ATP9B: variants seen among roughly 807,000 people sequenced by gnomAD.
The protein encoded by ATP9B is probable phospholipid-transporting ATPase IIB.
ATP9B carries 110 observed loss-of-function variants against 146.1 expected under a neutral mutation model. The observed-to-expected ratio is 0.75, with a 90% CI of 0.65 to 0.88. The LOEUF (loss-of-function observed/expected upper bound fraction) is 0.88. Among genes scored for constraint, ATP9B ranks in the 40% least tolerant of loss-of-function variants. The probability of loss-of-function intolerance (pLI) is 0.00; values close to 1 mark genes in which losing one functional copy is unlikely to be tolerated. For missense variants in ATP9B, 1,499 were observed against 1,496.4 expected (o/e 1.00, Z -0.03); for synonymous variants, 604 against 569.7 (o/e 1.06, Z -0.86).
rs535879779 is a variant in ATP9B, at chr18:79,347,266, C to T, written c.2683-504C>T. Among the ~76,000 whole-genome samples, 5 of 152,332 alleles carry T rather than the reference C, an allele frequency of 3.3e-5. No homozygotes were observed. The South Asian group carries it at 8.3e-4, about 25-fold the overall frequency. The stretch of plus-strand genomic sequence containing the variant: ...GGAAAATTCACCTAGCTCAAGCAAG[C>T]GTGGCTTTTTCCTTGGCTACTTCAT... On this transcript the variant is annotated intron_variant, in intron 23 of 29. Coordinates refer to ENST00000426216, the MANE Select transcript of ATP9B (RefSeq NM_198531.5).
intron 26 of ATP9B, chr18:79,372,616 A>G (rs1362126011): frequency 3.0e-6 from 2 of 668,910 alleles, no homozygotes; most frequent in Non-Finnish European, 5.5e-6. Flanking sequence ...CTCAGGCACC[A>G]GTGGACACGT....
chr18:79,221,139 A>G lies in ATP9B; in HGVS notation c.1107+7101A>G, dbSNP rs2095672391. Reference sequence around the variant, plus strand: ...AAGCCCATAAGACTGTGTGGCCGAGACCAGGCCTTGAGTCCTTGGTACCTG... The same window carrying G: ...AAGCCCATAAGACTGTGTGGCCGAGGCCAGGCCTTGAGTCCTTGGTACCTG... On this transcript the variant is annotated intron_variant, in intron 11 of 29. Transcript: ENST00000426216. 2.0e-5 allele frequency among the ~76,000 whole-genome samples: 3 copies of G among 152,168 alleles called. 1 individual carries two copies. The highest frequency in any genetic ancestry group is 1.3e-4 in the Admixed American group (2 of 15,282).
intron 3 of ATP9B, among the ~76,000 whole-genome samples, chr18:79,111,723 G>C (rs1009350900): frequency 3.3e-5 from 5 of 152,096 alleles, no homozygotes; most frequent in African/African-American, 1.2e-4. Flanking sequence ...GCTTAACTTT[G>C]ATCAGTGTAA....
At chr18:79,090,282 A>G (rs2074210115) in intron 1 of ATP9B, among the ~76,000 whole-genome samples, 1 of 152,214 alleles carries the variant, frequency 6.6e-6, no homozygotes, top group Non-Finnish European at 1.5e-5. Flanking sequence ...TATTTTTGGT[A>G]TATACCAAGC....
intron 10 of ATP9B, among the ~76,000 whole-genome samples, chr18:79,211,102 A>G (rs997248449): frequency 2.0e-5 from 3 of 152,214 alleles, no homozygotes; most frequent in African/African-American, 7.2e-5. Context: ...AAGTATTGCA[A>G]TAGGCCTATC....
At chr18:79,348,471 G>A (rs778586149) in intron 25 of ATP9B, among the ~76,000 whole-genome samples, 2 of 152,176 alleles carry the variant, frequency 1.3e-5, no homozygotes, top group Non-Finnish European at 2.9e-5. Flanking sequence ...TTTTTAAAGG[G>A]TCCCGTGGCA....
chr18:79,234,488 G>T (rs2095820669), intron 11 of ATP9B, among the ~76,000 whole-genome samples: 1 of 152,226 alleles, frequency 6.6e-6, no homozygotes, highest in Admixed American at 6.5e-5. Context: ...TGCTCCACGA[G>T]ACTTCTTCCT....
intron 13 of ATP9B, among the ~76,000 whole-genome samples, chr18:79,284,336 A>G (rs1023875716): frequency 6.6e-6 from 1 of 152,168 alleles, no homozygotes; most frequent in Non-Finnish European, 1.5e-5. Flanking sequence ...GAGTGCTGTA[A>G]TTAACATTTT....
chr18:79,375,306 T>C (rs145430632), intron 28 of ATP9B, 88 bp from the exon 29 acceptor site: 1 of 1,218,238 alleles, frequency 8.2e-7, no homozygotes, highest in Non-Finnish European at 1.2e-6. Context: ...CTTTTTAATG[T>C]ATTTCTTATT....
At chr18:79,106,092 A>C (rs1484434146) in intron 2 of ATP9B, among the ~76,000 whole-genome samples, 1 of 152,204 alleles carries the variant, frequency 6.6e-6, no homozygotes, top group Non-Finnish European at 1.5e-5. Context: ...TAATCCTAAA[A>C]CATTTTAAGA....
Position 79,126,467 on chromosome 18 carries a change from C to A in ATP9B, c.667+92C>A, listed in dbSNP as rs2094288898. ...ACAAATGTATGAAAACATTTTAATT[C>A]TATTATTGAAAATAGTATTATGTGA... On this transcript the variant is annotated intron_variant, in intron 5 of 29. Transcript: ENST00000426216. 3.5e-6 allele frequency: 3 copies of A among 868,598 alleles called. No homozygotes were observed. The South Asian group carries it at 5.6e-5, about 16-fold the overall frequency. 53.8% of individuals were successfully genotyped at this position (868,598 alleles called of 1,614,324 possible). A position where few individuals can be genotyped will look rare whatever the true frequency, so the allele number is the denominator to read the frequency against.
intron 13 of ATP9B, among the ~76,000 whole-genome samples, chr18:79,292,625 AAAAC>A (rs1423382195): frequency 2.6e-5 from 4 of 152,006 alleles, no homozygotes; most frequent in South Asian, 2.1e-4. Context: ...ACAATCTTGA[AAAAC>A]AAACAAAGTT....
intron 12 of ATP9B, among the ~76,000 whole-genome samples, chr18:79,266,394 TATC>T (rs774073647): frequency 8.7e-5 from 13 of 150,004 alleles, no homozygotes; most frequent in East Asian, 3.9e-4. Flanking sequence ...TATATAATCA[TATC>T]ATCAGTAAAT....
intron 15 of ATP9B, among the ~76,000 whole-genome samples, chr18:79,327,473 C>CAT (rs2096755157): frequency 6.8e-6 from 1 of 147,504 alleles, no homozygotes; most frequent in African/African-American, 2.5e-5. Context: ...GCGTGTTCTC[C>CAT]GTGGTTAGCG....
At chr18:79,349,909 A>G (rs528867781) in intron 25 of ATP9B, among the ~76,000 whole-genome samples, 32 of 39,280 alleles carry the variant, frequency 8.1e-4, no homozygotes, top group African/African-American at 2.3e-3. Flanking sequence ...CCCCCCCACC[A>G]TGCACCTTCA....
At chr18:79,344,181 G>A in intron 20 of ATP9B, 84 bp from the exon 21 acceptor site, 1 of 1,244,046 alleles carries the variant, frequency 8.0e-7, no homozygotes, top group East Asian at 2.5e-5. Context: ...ATTCCACTGT[G>A]ACTCTGCAAA....
intron 8 of ATP9B, among the ~76,000 whole-genome samples, chr18:79,180,794 T>C (rs563771815): frequency 1.9e-5 from 2 of 104,748 alleles, no homozygotes; most frequent in South Asian, 2.9e-4. Flanking sequence ...CCTTTTTCTT[T>C]TCTCATTTTT....
chr18:79,273,575 A>G lies in ATP9B; in HGVS notation c.1269-3479A>G, dbSNP rs182048504. 4.6e-5 allele frequency among the ~76,000 whole-genome samples: 7 copies of G among 152,350 alleles called. No homozygotes were observed. In the East Asian group the frequency reaches 1.2e-3, roughly 25 times the overall value. ...CAGAGGAACGCATGTGAATTATTTC[A>G]GGTAGTTTCATTCCCTGAGGAGAAT... On this transcript the variant is annotated intron_variant, in intron 12 of 29. Coordinates refer to ENST00000426216, the MANE Select transcript of ATP9B (RefSeq NM_198531.5).
chr18:79,161,271 C>T (rs1211861287), intron 7 of ATP9B, among the ~76,000 whole-genome samples: 7 of 152,058 alleles, frequency 4.6e-5, no homozygotes, highest in Non-Finnish European at 1.0e-4. Flanking sequence ...TCTTACATTC[C>T]ATGTTGTAGG....
Sources: allele counts gnomAD v4.1 joint callset (sites outside exome capture counted in the v4.1 genomes callset), GRCh38; gene constraint gnomAD v4.1.1; transcripts MANE v1.5; gene names NCBI Gene and HGNC (gene_info 2026-07-23, HGNC 2026-07-21).